The following CPLANE1 variants were observed in gnomAD, a reference collection of about 807,000 sequenced individuals.
CPLANE1 encodes ciliogenesis and planar polarity effector complex subunit 1.
Under a neutral mutation model 362.5 loss-of-function variants are expected in CPLANE1, and 263 were observed. That is an observed-to-expected ratio of 0.73 (90% CI 0.66 to 0.80). The LOEUF (loss-of-function observed/expected upper bound fraction) is 0.80. Among genes scored for constraint, CPLANE1 ranks in the 30% least tolerant of loss-of-function variants. The probability of loss-of-function intolerance (pLI) is 0.00; values close to 1 mark genes in which losing one functional copy is unlikely to be tolerated. For missense variants in CPLANE1, 3,461 were observed against 3,793.4 expected, an observed-to-expected ratio of 0.91 and a Z score of 2.30; for synonymous variants, 1,212 against 1,302.6, an observed-to-expected ratio of 0.93 and a Z score of 1.50.
chr5:37,099,797 C>T, the CPLANE1 span, among the ~76,000 whole-genome samples: 3 of 152,106 alleles, frequency 2.0e-5, no homozygotes, highest in Non-Finnish European at 1.5e-5. Flanking sequence ...ACAACCTCAC[C>T]AGCACCTGTT....
chr5:37,085,663 C>A, the CPLANE1 span: 5 of 1,070,246 alleles, frequency 4.7e-6, no homozygotes, highest in African/African-American at 7.7e-5. Context: ...GAGAGAGGCA[C>A]CCTGGATCTT....
At chr5:37,114,552 C>T (rs1012142438) in intron 51 of CPLANE1, among the ~76,000 whole-genome samples, 3 of 152,170 alleles carry the variant, frequency 2.0e-5, no homozygotes, top group African/African-American at 7.2e-5. Flanking sequence ...CAGAGCCACA[C>T]CCTTCATTCT....
At chr5:37,201,126 T>C (rs1789057110) in intron 19 of CPLANE1, among the ~76,000 whole-genome samples, 1 of 152,126 alleles carries the variant, frequency 6.6e-6, no homozygotes, top group East Asian at 1.9e-4. Flanking sequence ...CCCAGCCAAG[T>C]CTTTCAAAAA....
At chr5:37,239,956 T>C (rs1422435205) in intron 6 of CPLANE1, 87 bp from the exon 7 acceptor site, 1 of 924,824 alleles carries the variant, frequency 1.1e-6, no homozygotes, top group Admixed American at 3.1e-5. Context: ...AAAGGATCCA[T>C]CCAAATTCCT....
chr5:37,145,957 A>C (rs1391311430), intron 43 of CPLANE1, among the ~76,000 whole-genome samples: 1 of 152,230 alleles, frequency 6.6e-6, no homozygotes, highest in Non-Finnish European at 1.5e-5. Context: ...TCTAATTTAC[A>C]AGAAATACAG....
chr5:37,233,537 G>A (rs543902081), intron 8 of CPLANE1, among the ~76,000 whole-genome samples: 66 of 152,114 alleles, frequency 4.3e-4, no homozygotes, highest in African/African-American at 1.5e-3. Flanking sequence ...GCACACTTAG[G>A]AGAATACCCA....
At chr5:37,156,883 C>T (rs75932669) in intron 41 of CPLANE1, among the ~76,000 whole-genome samples, 7,003 of 152,176 alleles carry the variant, frequency 0.046, 547 homozygotes, top group African/African-American at 0.16. Context: ...CAAACCTTAG[C>T]ATCATGCAAT....
At chr5:37,198,909 A>G (rs1427726820) in intron 19 of CPLANE1, 43 bp from the exon 20 acceptor site, 1 of 1,569,178 alleles carries the variant, frequency 6.4e-7, no homozygotes, top group Non-Finnish European at 8.7e-7. Context: ...TAGTAATGAG[A>G]AAATTTAGAA....
In CPLANE1 at chr5:37,247,750, A is replaced by G; in HGVS notation, c.-47-5T>C. 1 of 1,499,982 alleles carries G rather than the reference A, an allele frequency of 6.7e-7. No homozygotes were observed. Among genetic ancestry groups the G allele is most frequent in the South Asian group, 1.3e-5 (1 of 77,440 alleles). 92.9% of individuals were successfully genotyped at this position (1,499,982 alleles called of 1,614,324 possible). A position where few individuals can be genotyped will look rare whatever the true frequency, so the allele number is the denominator to read the frequency against. ...AAGTAAAACAGTCCCAAGATTCTGTAAACAATAATAGTAATAAAATATAAA... is the reference window on the plus strand; with the variant it reads ...AAGTAAAACAGTCCCAAGATTCTGTGAACAATAATAGTAATAAAATATAAA... On this transcript the variant is annotated splice_polypyrimidine_tract_variant and splice_region_variant and intron_variant, in intron 1 of 52. Coordinates refer to ENST00000651892, the MANE Select transcript of CPLANE1 (RefSeq NM_001384732.1).
intron 46 of CPLANE1, among the ~76,000 whole-genome samples, chr5:37,135,269 T>C (rs1767314661): frequency 6.6e-6 from 1 of 152,120 alleles, no homozygotes; most frequent in Non-Finnish European, 1.5e-5. Context: ...TTTTGAGAGG[T>C]CTTCTTGGTA....
rs1796464450 is a variant in CPLANE1, at chr5:37,226,304, C to T, written c.2291G>A (p.Arg764Lys). ...CCAGTATTAAAATAAGTGATTATAC[C>T]TGTGTCCTGGCTGTTGCACAGGATT... ...VVNPVQQPGH[R>K]LLILWRILYK... The change falls in exon 12 of 53, where the codon AGA (arginine) becomes AAA (lysine). Residue 764 changes from arginine to lysine, a missense_variant and splice_region_variant. Physicochemically the swap from Arg to Lys is conservative, Grantham distance 26 (BLOSUM62 2). Transcript: ENST00000651892. 8.7e-6 allele frequency: 13 copies of T among 1,492,872 alleles called. No individual in the cohort carries two copies. Among genetic ancestry groups the T allele is most frequent in the Non-Finnish European group, 1.2e-5 (13 of 1,124,570 alleles). The allele number at this position is 1,492,872 out of a possible 1,614,324, so 92.5% of individuals were successfully genotyped here. A position where few individuals can be genotyped will look rare whatever the true frequency, so the allele number is the denominator to read the frequency against.
At chr5:37,092,784 T>C in the CPLANE1 span, among the ~76,000 whole-genome samples, 1 of 152,212 alleles carries the variant, frequency 6.6e-6, no homozygotes, top group African/African-American at 2.4e-5. Flanking sequence ...GTAACAACTA[T>C]ACTATAACCT....
intron 14 of CPLANE1, among the ~76,000 whole-genome samples, chr5:37,222,536 T>C (rs1394720423): frequency 1.3e-5 from 2 of 152,202 alleles, no homozygotes; most frequent in Non-Finnish European, 2.9e-5. Context: ...AGCCACTCTT[T>C]CTCTGTTGAA....
At chr5:37,179,509 GGC>G in intron 28 of CPLANE1, 66 bp from the exon 29 acceptor site, 1 of 982,354 alleles carries the variant, frequency 1.0e-6, no homozygotes. Context: ...CTTTTTAGGG[GGC>G]TCAGGGAATA....
intron 46 of CPLANE1, among the ~76,000 whole-genome samples, chr5:37,134,257 C>G (rs1309703295): frequency 6.6e-6 from 1 of 152,124 alleles, no homozygotes; most frequent in African/African-American, 2.4e-5. Flanking sequence ...GGCTGTGAAT[C>G]CATCTGGTCT....
chr5:37,099,533 C>T, the CPLANE1 span, among the ~76,000 whole-genome samples: 2 of 152,132 alleles, frequency 1.3e-5, no homozygotes, highest in Admixed American at 1.3e-4. Context: ...TTTCTCTATC[C>T]AGTCTATCAT....
chr5:37,245,213 CTAT>C (rs1431603650), intron 4 of CPLANE1, among the ~76,000 whole-genome samples: 2 of 147,552 alleles, frequency 1.4e-5, no homozygotes, highest in Admixed American at 1.4e-4. Flanking sequence ...TATTAGAAAC[CTAT>C]TATTATCACA....
At chr5:37,133,756 G>A (rs915331794) in intron 46 of CPLANE1, among the ~76,000 whole-genome samples, 4 of 152,072 alleles carry the variant, frequency 2.6e-5, no homozygotes, top group African/African-American at 9.7e-5. Flanking sequence ...CTATTTGGAT[G>A]CCTTACGTTT....
At chr5:37,172,246 A>G (rs377459837) in intron 32 of CPLANE1, among the ~76,000 whole-genome samples, 10 of 152,338 alleles carry the variant, frequency 6.6e-5, no homozygotes, top group African/African-American at 2.4e-4. Context: ...ATACCTGAAG[A>G]AAGTGTCCTA....
Sources: allele counts gnomAD v4.1 joint callset (sites outside exome capture counted in the v4.1 genomes callset), GRCh38; gene constraint gnomAD v4.1.1; transcripts MANE v1.5; gene names NCBI Gene and HGNC (gene_info 2026-07-23, HGNC 2026-07-21).